Variants in PRKN observed in about 807,000 individuals in gnomAD.
PRKN encodes parkin RBR E3 ubiquitin protein ligase.
Under a neutral mutation model 59.5 loss-of-function variants are expected in PRKN, and 56 were observed. The ratio of observed to expected loss-of-function variants is 0.94; its 90% confidence interval spans 0.76 to 1.18. The LOEUF is 1.18. Among genes scored for constraint, PRKN ranks in the 50% most tolerant of loss-of-function variants. The pLI is 0.00. For missense variants in PRKN, 657 were observed against 596.4 expected (o/e 1.10, Z -1.06); for synonymous variants, 250 against 222.1 (o/e 1.13, Z -1.12).
At chr6:161,857,097 TGGGTGCCTGTAATCCCAGCTACTC>T (rs1793688060) in intron 6 of PRKN, among the ~76,000 whole-genome samples, 1 of 151,726 alleles carries the variant, frequency 6.6e-6, no homozygotes, top group African/African-American at 2.4e-5. Flanking sequence ...GGCATGATGG[TGGGTGCCTGTAATCCCAGCTACTC>T]GGGAGGCTGA....
At chr6:162,320,869 A>G (rs80189425) in intron 2 of PRKN, among the ~76,000 whole-genome samples, 3,103 of 152,006 alleles carry the variant, frequency 0.02, 96 homozygotes, top group African/African-American at 0.068. Context: ...ATAACATAAC[A>G]AAATTTAGGG....
intron 6 of PRKN, among the ~76,000 whole-genome samples, chr6:161,903,047 C>G (rs1777995852): frequency 6.6e-6 from 1 of 152,172 alleles, no homozygotes. Context: ...TCATCTGATC[C>G]TCACCTTCAG....
intron 6 of PRKN, among the ~76,000 whole-genome samples, chr6:161,874,317 A>ATATATATTATATAT (rs1794545410): frequency 5.0e-5 from 3 of 60,324 alleles, no homozygotes; most frequent in African/African-American, 2.3e-4. Context: ...ATTATATATA[A>ATATATATTATATAT]AATATATATT....
intron 6 of PRKN, among the ~76,000 whole-genome samples, chr6:161,796,514 G>T (rs1383346036): frequency 6.6e-6 from 1 of 152,098 alleles, no homozygotes; most frequent in Non-Finnish European, 1.5e-5. Flanking sequence ...TGAAATAATT[G>T]TTGCGTGTAA....
chr6:161,942,463 G>A lies in PRKN; in HGVS notation c.734+30839C>T, dbSNP rs566237884. Among the ~76,000 whole-genome samples, 44 of 152,206 alleles carry A rather than the reference G, an allele frequency of 2.9e-4. 2 individuals carry two copies. The South Asian group carries it at 3.9e-3, about 14-fold the overall frequency. The stretch of plus-strand genomic sequence containing the variant: ...GGAGAATCGCTTGAACCCAGGAGGC[G>A]GAGGTTGCAGTGAACTGAGATCGCG... On this transcript the variant is annotated intron_variant, in intron 6 of 11. Transcript: ENST00000366898.
At chr6:162,709,485 A>G (rs1405183850) in intron 1 of PRKN, among the ~76,000 whole-genome samples, 1 of 152,042 alleles carries the variant, frequency 6.6e-6, no homozygotes, top group Non-Finnish European at 1.5e-5. Flanking sequence ...ACTGCTTGTT[A>G]TAAAAGCAGT....
rs529508284 is a variant in PRKN at position 162,622,940 on chromosome 6, C to A, written c.7+104722G>T. Reference sequence around the variant, plus strand: ...CTCCTGAACACCTTTCCCACTTTTCCCCAATGCTCAATGTAGGATTTCACT... The same window carrying A: ...CTCCTGAACACCTTTCCCACTTTTCACCAATGCTCAATGTAGGATTTCACT... On this transcript the variant is annotated intron_variant, in intron 1 of 11. Coordinates refer to ENST00000366898, the MANE Select transcript of PRKN (RefSeq NM_004562.3). Among the ~76,000 whole-genome samples, 18 of 152,262 alleles carry A rather than the reference C, an allele frequency of 1.2e-4. 1 individual carries two copies. The highest frequency in any genetic ancestry group is 1.1e-3 in the Admixed American group (17 of 15,298).
chr6:162,268,665 G>A (rs1430440738), intron 2 of PRKN, among the ~76,000 whole-genome samples: 1 of 152,180 alleles, frequency 6.6e-6, no homozygotes, highest in East Asian at 1.9e-4. Context: ...GGGAGCCACA[G>A]AGAAGTTCAC....
intron 10 of PRKN, among the ~76,000 whole-genome samples, chr6:161,380,831 A>T: frequency 6.6e-6 from 1 of 152,128 alleles, no homozygotes; most frequent in East Asian, 1.9e-4. Context: ...GACATCACAA[A>T]ATCACACTGG....
intron 4 of PRKN, among the ~76,000 whole-genome samples, chr6:162,175,468 A>G (rs1244693382): frequency 5.3e-5 from 8 of 152,234 alleles, no homozygotes; most frequent in Admixed American, 4.6e-4. Flanking sequence ...TGTAATTATT[A>G]TAAGACAATG....
chr6:161,516,233 AG>A (rs1033323128), intron 9 of PRKN, among the ~76,000 whole-genome samples: 7 of 152,102 alleles, frequency 4.6e-5, no homozygotes, highest in African/African-American at 1.7e-4. Flanking sequence ...GGGTCACCTG[AG>A]GCCAGGAGTT....
chr6:162,611,063 G>T (rs1782125549), intron 1 of PRKN, among the ~76,000 whole-genome samples: 3 of 152,066 alleles, frequency 2.0e-5, no homozygotes, highest in African/African-American at 7.2e-5. Flanking sequence ...TGAAGAATAG[G>T]CCTCACTGGA....
intron 2 of PRKN, among the ~76,000 whole-genome samples, chr6:162,387,684 C>A (rs1786925016): frequency 6.6e-6 from 1 of 151,756 alleles, no homozygotes; most frequent in Non-Finnish European, 1.5e-5. Context: ...AGTATGAAGA[C>A]TTAAAAGTGG....
At chr6:161,859,574 G>A (rs1189916624) in intron 6 of PRKN, among the ~76,000 whole-genome samples, 1 of 135,806 alleles carries the variant, frequency 7.4e-6, no homozygotes, top group African/African-American at 2.8e-5. Flanking sequence ...TCATGCCAGT[G>A]TACTCCAGCC....
chr6:162,436,509 A>G (rs553749173), intron 2 of PRKN, among the ~76,000 whole-genome samples: 6 of 151,686 alleles, frequency 4.0e-5, no homozygotes, highest in East Asian at 2.0e-4. Context: ...ACGGGGTTTC[A>G]CCATGTTGGT....
intron 6 of PRKN, among the ~76,000 whole-genome samples, chr6:161,794,242 C>A (rs1394952716): frequency 6.6e-6 from 1 of 152,154 alleles, no homozygotes; most frequent in Non-Finnish European, 1.5e-5. Flanking sequence ...CAGACATACT[C>A]CCTTCAATAT....
At chr6:162,482,294 C>G (rs1037333032) in intron 1 of PRKN, among the ~76,000 whole-genome samples, 1 of 152,162 alleles carries the variant, frequency 6.6e-6, no homozygotes, top group Non-Finnish European at 1.5e-5. Flanking sequence ...TTATGTTCAG[C>G]TGCTACTCAA....
intron 2 of PRKN, among the ~76,000 whole-genome samples, chr6:162,440,898 C>G (rs1412592313): frequency 1.3e-5 from 2 of 151,700 alleles, no homozygotes; most frequent in African/African-American, 4.9e-5. Context: ...ACAAGAATAT[C>G]TAGGATGCTA....
chr6:162,299,608 T>G (rs1043524105), intron 2 of PRKN, among the ~76,000 whole-genome samples: 3 of 151,768 alleles, frequency 2.0e-5, no homozygotes, highest in African/African-American at 7.3e-5. Context: ...AAACTATACA[T>G]TATCACTTCC....
Sources: allele counts gnomAD v4.1 joint callset (sites outside exome capture counted in the v4.1 genomes callset), GRCh38; gene constraint gnomAD v4.1.1; transcripts MANE v1.5; gene names NCBI Gene and HGNC (gene_info 2026-07-23, HGNC 2026-07-21).